Variants in CDH4 observed in about 807,000 individuals in gnomAD.
The protein encoded by CDH4 is cadherin 4.
In CDH4, 33 loss-of-function variants were observed where a neutral mutation model predicts 86.0. The observed-to-expected ratio is 0.38, with a 90% CI of 0.29 to 0.51. The LOEUF (loss-of-function observed/expected upper bound fraction) is 0.51. Ranked by LOEUF, CDH4 falls within the 20% of genes least tolerant of loss-of-function variation. The pLI is 0.86. For missense variants in CDH4, 1,114 were observed against 1,307.4 expected (o/e 0.85, Z 2.28); for synonymous variants, 555 against 549.4 (o/e 1.01, Z -0.14).
intron 7 of CDH4, among the ~76,000 whole-genome samples, chr20:61,889,380 T>A (rs13040328): frequency 0.83 from 122,480 of 148,240 alleles, 51,392 homozygotes; most frequent in Non-Finnish European, 0.92. Context: ...GATGGGTGGG[T>A]GGATGGTGGA....
chr20:61,530,191 C>A (rs2085941801), intron 2 of CDH4, among the ~76,000 whole-genome samples: 1 of 152,048 alleles, frequency 6.6e-6, no homozygotes, highest in Non-Finnish European at 1.5e-5. Flanking sequence ...CACCCCACAC[C>A]CGGCTAATTT....
intron 3 of CDH4, among the ~76,000 whole-genome samples, chr20:61,746,013 C>A (rs2088410056): frequency 6.6e-6 from 1 of 152,226 alleles, no homozygotes; most frequent in Non-Finnish European, 1.5e-5. Flanking sequence ...GTGCAGGAAG[C>A]ACCCAACCAG....
chr20:61,933,179 T>A (rs1341199410), intron 14 of CDH4, 55 bp downstream of exon 14: 2 of 1,584,494 alleles, frequency 1.3e-6, no homozygotes, highest in African/African-American at 2.7e-5. Context: ...TCACGTGTAC[T>A]AGTGTCTCAG....
At chr20:61,822,482 G>T (rs112016421) in intron 4 of CDH4, among the ~76,000 whole-genome samples, 1 of 152,196 alleles carries the variant, frequency 6.6e-6, no homozygotes, top group Non-Finnish European at 1.5e-5. Context: ...GCAGAGAGCC[G>T]CAGCGAAGGT....
rs138241132 is a variant in CDH4, at chr20:61,274,266, TGTGCAGTTTGGGGGA to T, written c.169+19332_169+19346del. On this transcript the variant is annotated intron_variant, in intron 2 of 15. Coordinates refer to ENST00000614565, the MANE Select transcript of CDH4 (RefSeq NM_001794.5). Reference sequence around the variant, plus strand: ...CCATGTACAGTTTGGGGGAGTACCATGTGCAGTTTGGGGGAGTACCATATGCAGTTTGGGGGAGTA... The same window carrying T: ...CCATGTACAGTTTGGGGGAGTACCATGTACCATATGCAGTTTGGGGGAGTA... 4.3e-3 allele frequency among the ~76,000 whole-genome samples: 546 copies of T among 127,980 alleles called. 4 individuals carry two copies. Among genetic ancestry groups the T allele is most frequent in the African/African-American group, 0.016 (510 of 32,684 alleles). The allele number at this position is 127,980 out of a possible 152,430, so 84.0% of individuals were successfully genotyped here.
chr20:61,565,193 T>TCGGTGGTAGGTGG (rs1568688306), intron 2 of CDH4, among the ~76,000 whole-genome samples: 1 of 83,464 alleles, frequency 1.2e-5, no homozygotes, highest in Admixed American at 1.1e-4. Flanking sequence ...GGTGGTCCTC[T>TCGGTGGTAGGTGG]TGGTGGTGGT....
chr20:61,516,563 CT>C lies in CDH4; in HGVS notation c.170-226999del, dbSNP rs1279249998. 6.6e-6 allele frequency among the ~76,000 whole-genome samples: 1 copy of C among 152,202 alleles called. No homozygotes were observed. Among genetic ancestry groups the C allele is most frequent in the Non-Finnish European group, 1.5e-5 (1 of 68,040 alleles). On this transcript the variant is annotated intron_variant, in intron 2 of 15. Coordinates refer to ENST00000614565, the MANE Select transcript of CDH4 (RefSeq NM_001794.5). This position sits in a 1 kb window ranked among gnomAD's most constrained non-coding sequence, Gnocchi z 4.0. ...CTACATCTGCCTCAGACCTGCCCCCCTGAGTCACAGCATCACAGAAAACAGT... is the reference window on the plus strand; with the variant it reads ...CTACATCTGCCTCAGACCTGCCCCCCGAGTCACAGCATCACAGAAAACAGT...
chr20:61,639,426 G>A lies in CDH4; in HGVS notation c.170-104137G>A, dbSNP rs139726461. Among the ~76,000 whole-genome samples, 429 of 152,350 alleles carry A rather than the reference G, an allele frequency of 2.8e-3. 5 individuals are homozygous for A. The highest frequency in any genetic ancestry group is 9.8e-3 in the African/African-American group (406 of 41,578). ...ATAATTGATTTCTTGCTTTGATTGT[G>A]TAAGATGGCTGCTCTGTCATTTCCT... is the stretch of plus-strand genomic sequence containing the variant. On this transcript the variant is annotated intron_variant, in intron 2 of 15. Coordinates refer to ENST00000614565, the MANE Select transcript of CDH4 (RefSeq NM_001794.5).
intron 4 of CDH4, among the ~76,000 whole-genome samples, chr20:61,786,522 C>T (rs962207419): frequency 2.6e-5 from 4 of 152,078 alleles, no homozygotes; most frequent in Non-Finnish European, 5.9e-5. Flanking sequence ...TTGTGTTTAC[C>T]GCCCTCTCAT....
chr20:61,637,128 T>C (rs1472708931), intron 2 of CDH4, among the ~76,000 whole-genome samples: 2 of 152,264 alleles, frequency 1.3e-5, no homozygotes, highest in Non-Finnish European at 2.9e-5. Context: ...TTCTGCTTTT[T>C]AACTTTTTAT....
rs2055246928 is a variant in CDH4, at chr20:61,940,205, C to G, written c.*3262C>G. ...ACAGGCCCAGCGGGGGACCACCTCTCTGTACAATTGGAATGCGTTTTACTT... is the reference window on the plus strand; with the variant it reads ...ACAGGCCCAGCGGGGGACCACCTCTGTGTACAATTGGAATGCGTTTTACTT... On this transcript the variant is annotated 3_prime_UTR_variant, in exon 16 of 16. Coordinates refer to ENST00000614565, the MANE Select transcript of CDH4 (RefSeq NM_001794.5). 1 of 152,194 alleles carries G rather than the reference C, an allele frequency of 6.6e-6. No homozygotes were observed. Among genetic ancestry groups the G allele is most frequent in the Admixed American group, 6.5e-5 (1 of 15,280 alleles). The allele number at this position is 152,194 out of a possible 1,614,324, so 9.4% of individuals were successfully genotyped here. A position where few individuals can be genotyped will look rare whatever the true frequency, so the allele number is the denominator to read the frequency against.
intron 2 of CDH4, among the ~76,000 whole-genome samples, chr20:61,581,963 C>A (rs1309806137): frequency 6.6e-6 from 1 of 152,208 alleles, no homozygotes; most frequent in East Asian, 1.9e-4. Flanking sequence ...CCTGAGGGTC[C>A]CAGCGTTCGG....
chr20:61,765,272 G>T (rs866253982), intron 3 of CDH4, among the ~76,000 whole-genome samples: 53 of 152,150 alleles, frequency 3.5e-4, no homozygotes, highest in African/African-American at 1.1e-3. Flanking sequence ...AGTAAGAGGC[G>T]GGAGTGGTGA....
At chr20:61,253,281 G>A (rs1446875554) in intron 1 of CDH4, among the ~76,000 whole-genome samples, 4 of 150,810 alleles carry the variant, frequency 2.7e-5, no homozygotes, top group Non-Finnish European at 4.4e-5. Context: ...GCGGGAGGGC[G>A]CCCCGGGAGG....
chr20:61,750,696 A>T (rs577566842), intron 3 of CDH4, among the ~76,000 whole-genome samples: 1 of 152,218 alleles, frequency 6.6e-6, no homozygotes, highest in African/African-American at 2.4e-5. Context: ...AATGAAACTG[A>T]CATTATTTGT....
chr20:61,421,058 A>C (rs1018988772), intron 2 of CDH4, among the ~76,000 whole-genome samples: 2 of 152,230 alleles, frequency 1.3e-5, no homozygotes, highest in Admixed American at 1.3e-4. Flanking sequence ...GGCAGCTTCC[A>C]TATGTTACTC....
At chr20:61,692,249 G>A (rs13041843) in intron 2 of CDH4, among the ~76,000 whole-genome samples, 1 of 151,650 alleles carries the variant, frequency 6.6e-6, no homozygotes, top group South Asian at 2.1e-4. Context: ...GTATGTGTGT[G>A]TATGTGTGTG....
intron 2 of CDH4, among the ~76,000 whole-genome samples, chr20:61,550,464 G>A (rs955381217): frequency 3.3e-5 from 5 of 152,170 alleles, no homozygotes; most frequent in African/African-American, 1.2e-4. Context: ...CTGACTCTCC[G>A]CTTGGCACCA....
intron 9 of CDH4, among the ~76,000 whole-genome samples, chr20:61,922,576 C>T (rs765681373): frequency 3.3e-5 from 5 of 152,172 alleles, no homozygotes; most frequent in African/African-American, 9.7e-5. Flanking sequence ...TCCAGCTCTG[C>T]GAGTCAGAGA....
Sources: gnomAD v4.1 joint callset for allele counts (sites outside exome capture counted in the v4.1 genomes callset) on GRCh38, gnomAD v4.1.1 for gene constraint, Gnocchi (gnomAD v3.1) non-coding constraint, MANE v1.5 for transcripts, NCBI Gene and HGNC (gene_info 2026-07-23, HGNC 2026-07-21) for gene names.